SLCO1C1: variants seen among roughly 807,000 people sequenced by gnomAD.
The protein encoded by SLCO1C1 is solute carrier organic anion transporter family member 1C1, also known as OAT-RP-5.
A neutral mutation model predicts 76.4 loss-of-function variants in SLCO1C1; 70 were observed. That is an observed-to-expected ratio of 0.92 (90% CI 0.76 to 1.12). The LOEUF is 1.12. SLCO1C1 is among the 50% of genes most tolerant of loss of function. SLCO1C1 has a pLI of 0.00. For synonymous variants in SLCO1C1, 306 were observed against 286.1 expected (o/e 1.07, Z -0.70); for missense variants, 912 against 823.8 (o/e 1.11, Z -1.31).
chr12:20,716,712 CT>C (rs1489034211), intron 6 of SLCO1C1, among the ~76,000 whole-genome samples: 2 of 152,092 alleles, frequency 1.3e-5, no homozygotes, highest in Non-Finnish European at 2.9e-5. Flanking sequence ...AATGGACACA[CT>C]TTTTTTCTAA....
At chr12:20,726,365 A>G (rs984944077) in intron 9 of SLCO1C1, among the ~76,000 whole-genome samples, 4 of 152,030 alleles carry the variant, frequency 2.6e-5, no homozygotes, top group Non-Finnish European at 5.9e-5. Flanking sequence ...TTGACATACC[A>G]TGGAGGGGTA....
chr12:20,733,172 G>C, intron 10 of SLCO1C1, 68 bp downstream of exon 10: 1 of 1,391,584 alleles, frequency 7.2e-7, no homozygotes, highest in Non-Finnish European at 9.6e-7. Flanking sequence ...TGGTGGAGTT[G>C]CAAAAAAGGA....
Position 20,737,142 on chromosome 12 carries a change from T to G in SLCO1C1, c.1418T>G (p.Phe473Cys), listed in dbSNP as rs1303184283. ...GTCTCTTATCATGAACGAGCTCTCTTTTCAGATTGCAACTCAAGATGCAAA... is the reference window on the plus strand; with the variant it reads ...GTCTCTTATCATGAACGAGCTCTCTGTTCAGATTGCAACTCAAGATGCAAA... ...KPVSYHERAL[F>C]SDCNSRCKCS... The change falls in exon 11 of 15, where the codon TTT becomes TGT. Residue 473 changes from phenylalanine to cysteine, a missense_variant. Phe to Cys is a radical substitution (Grantham distance 205). Coordinates refer to ENST00000266509, the MANE Select transcript of SLCO1C1 (RefSeq NM_017435.5). 23 of 1,550,500 alleles carry G rather than the reference T, an allele frequency of 1.5e-5. No homozygotes were observed. The highest frequency in any genetic ancestry group is 2.0e-5 in the Non-Finnish European group (23 of 1,156,524).
intron 5 of SLCO1C1, among the ~76,000 whole-genome samples, chr12:20,713,246 A>AT (rs1440598510): frequency 2.0e-5 from 3 of 151,326 alleles, no homozygotes; most frequent in Non-Finnish European, 4.4e-5. Flanking sequence ...CGCCCGGCTA[A>AT]TTTTTTGTAT....
chr12:20,699,965 A>G, intron 2 of SLCO1C1: 1 of 292,590 alleles, frequency 3.4e-6, no homozygotes, highest in East Asian at 6.1e-5. Flanking sequence ...TATTTATTGA[A>G]CTTCTGCCAT....
At chr12:20,746,472 T>C (rs923052334) in intron 13 of SLCO1C1, among the ~76,000 whole-genome samples, 6 of 120,846 alleles carry the variant, frequency 5.0e-5, no homozygotes, top group African/African-American at 1.5e-4. Context: ...ATAAGAAGCA[T>C]AGATTAAAAA....
intron 9 of SLCO1C1, among the ~76,000 whole-genome samples, chr12:20,724,443 ATATATATATGTG>A (rs1429896267): frequency 4.0e-5 from 4 of 99,424 alleles, no homozygotes; most frequent in African/African-American, 1.2e-4. Context: ...ATATATATAT[ATATATATATGTG>A]TGTGTGTGTG....
At chr12:20,713,537 T>G (rs1374336263) in intron 5 of SLCO1C1, among the ~76,000 whole-genome samples, 1 of 152,196 alleles carries the variant, frequency 6.6e-6, no homozygotes, top group Non-Finnish European at 1.5e-5. Context: ...ATAACTCAAT[T>G]ATTTCCCTTC....
At position 20,701,449 on chromosome 12, in the gene SLCO1C1, T is replaced by A. The variant is rs1471533085; in HGVS notation, c.261T>A (p.Ser87Arg). The change falls in exon 3 of 15, where the codon AGT (serine) becomes AGA (arginine). Residue 87 changes from serine to arginine, a missense_variant. Coordinates refer to ENST00000266509, the MANE Select transcript of SLCO1C1 (RefSeq NM_017435.5). ...CACTGGTGGGAGTTATTGATGGTAG[T>A]TTTGAAATTGGTAGGTATTACAGAT... ...PSSLVGVIDG[S>R]FEIGNLLVIT... 1 of 1,505,620 alleles carries A rather than the reference T, an allele frequency of 6.6e-7. No homozygotes were observed. Among genetic ancestry groups the A allele is most frequent in the Admixed American group, 1.8e-5 (1 of 56,238 alleles). The allele number at this position is 1,505,620 out of a possible 1,614,324, so 93.3% of individuals were successfully genotyped here. A position where few individuals can be genotyped will look rare whatever the true frequency, so the allele number is the denominator to read the frequency against.
intron 9 of SLCO1C1, among the ~76,000 whole-genome samples, chr12:20,724,149 A>C (rs1424091369): frequency 6.6e-6 from 1 of 151,842 alleles, no homozygotes; most frequent in Non-Finnish European, 1.5e-5. Context: ...TTTTAACATC[A>C]ATTGATTTAA....
At chr12:20,700,597 G>A (rs74065151) in intron 2 of SLCO1C1, among the ~76,000 whole-genome samples, 6,437 of 150,340 alleles carry the variant, frequency 0.043, 237 homozygotes, top group African/African-American at 0.092. Context: ...GTCCCTCCCC[G>A]CTCCCCCAAT....
rs992429734 is a variant in SLCO1C1 at position 20,750,542 on chromosome 12, G to C, written c.1799-133G>C. 1.0e-5 allele frequency: 8 copies of C among 763,204 alleles called. No individual in the cohort carries two copies. In the Admixed American group the frequency reaches 1.9e-4, roughly 18 times the overall value. The allele number at this position is 763,204 out of a possible 1,614,324, so 47.3% of individuals were successfully genotyped here. A position where few individuals can be genotyped will look rare whatever the true frequency, so the allele number is the denominator to read the frequency against. ...CTGGATTAGAGAGATAGGTTTGGGA[G>C]ATTTCAGCATGTAATTGATGGCCTT... On this transcript the variant is annotated intron_variant, in intron 13 of 14. Transcript: ENST00000266509.
intron 3 of SLCO1C1, 151 bp from the exon 4 acceptor site, chr12:20,705,798 C>G (rs1172953615): frequency 3.1e-6 from 2 of 643,828 alleles, no homozygotes; most frequent in Non-Finnish European, 5.1e-6. Flanking sequence ...TTTCAAGGGT[C>G]ATCTCAGATT....
chr12:20,728,761 G>C (rs993974478), intron 9 of SLCO1C1, among the ~76,000 whole-genome samples: 1 of 151,912 alleles, frequency 6.6e-6, no homozygotes, highest in African/African-American at 2.4e-5. Context: ...TATTGTAATT[G>C]TGCTGACCAT....
At chr12:20,698,240 T>A (rs1946354349) in intron 1 of SLCO1C1, among the ~76,000 whole-genome samples, 1 of 151,968 alleles carries the variant, frequency 6.6e-6, no homozygotes, top group African/African-American at 2.4e-5. Context: ...TTTGTTTTGC[T>A]TATTTTTTGT....
Position 20,732,987 on chromosome 12 carries a change from G to A in SLCO1C1, c.1265G>A (p.Cys422Tyr). 1 of 1,613,982 alleles carries A rather than the reference G, an allele frequency of 6.2e-7. No homozygotes were observed. The highest frequency in any genetic ancestry group is 8.5e-7 in the Non-Finnish European group (1 of 1,179,950). Residue 422 changes from cysteine (C) to tyrosine (Y), a missense_variant, in exon 10 of 15, where the codon TGT (cysteine) becomes TAT (tyrosine). Cys to Tyr is a radical substitution (Grantham distance 194). Coordinates refer to ENST00000266509, the MANE Select transcript of SLCO1C1 (RefSeq NM_017435.5). ...IVMKKFRISV[C>Y]GAAKLYLGSS... ...ATGAAAAAATTCAGAATCAGTGTGT[G>A]TGGAGCTGCAAAACTCTACTTGGGA...
At chr12:20,696,197 G>C (rs1946257024) in intron 1 of SLCO1C1, among the ~76,000 whole-genome samples, 1 of 152,098 alleles carries the variant, frequency 6.6e-6, no homozygotes. Flanking sequence ...ATTTGTATTA[G>C]GTGAGAAATT....
intron 3 of SLCO1C1, among the ~76,000 whole-genome samples, chr12:20,702,412 C>T (rs1946568003): frequency 6.6e-6 from 1 of 151,374 alleles, no homozygotes; most frequent in Admixed American, 6.6e-5. Context: ...TTTTGTCATC[C>T]TTCCAGAATG....
At chr12:20,722,093 G>A (rs1947705669) in intron 8 of SLCO1C1, 44 bp downstream of exon 8, 1 of 1,567,804 alleles carries the variant, frequency 6.4e-7, no homozygotes. Context: ...TTTTTCTGTT[G>A]GGGCTTAAGG....
Sources: allele counts gnomAD v4.1 joint callset (sites outside exome capture counted in the v4.1 genomes callset), GRCh38; gene constraint gnomAD v4.1.1; transcripts MANE v1.5; gene names NCBI Gene and HGNC (gene_info 2026-07-23, HGNC 2026-07-21).